Variants in RICTOR observed in about 807,000 individuals in gnomAD.
RICTOR encodes RPTOR independent companion of MTOR complex 2.
A neutral mutation model predicts 214.9 loss-of-function variants in RICTOR; 49 were observed. The ratio of observed to expected loss-of-function variants is 0.23; its 90% CI spans 0.18 to 0.29. RICTOR has a LOEUF of 0.29. Among genes scored for constraint, RICTOR ranks in the 10% least tolerant of loss-of-function variants. The pLI is 1.00. For missense variants in RICTOR, 1,625 were observed against 2,047.0 expected, an observed-to-expected ratio of 0.79 and a Z score of 3.98; for synonymous variants, 717 against 711.3, an observed-to-expected ratio of 1.01 and a Z score of -0.13.
intron 2 of RICTOR, among the ~76,000 whole-genome samples, chr5:39,055,550 ATATATTTT>A (rs1758148806): frequency 6.6e-6 from 1 of 151,868 alleles, no homozygotes; most frequent in Non-Finnish European, 1.5e-5. Flanking sequence ...TAGGGACTCA[ATATATTTT>A]TTTCACCACT....
At chr5:39,020,461 A>G (rs1015118658) in intron 3 of RICTOR, among the ~76,000 whole-genome samples, 3 of 151,706 alleles carry the variant, frequency 2.0e-5, no homozygotes, top group African/African-American at 4.8e-5. Context: ...TCCTCTACCA[A>G]CAAAAAAAAC....
At position 39,045,896 on chromosome 5, in the gene RICTOR, T is replaced by C. The variant is rs1757456752; in HGVS notation, c.98-24760A>G. ...GTATGGATTAGCAACCTGAAAAATA[T>C]GTTGTTACCGTATTATTTTCTAATC... On this transcript the variant is annotated intron_variant, in intron 2 of 37. Coordinates refer to ENST00000357387, the MANE Select transcript of RICTOR (RefSeq NM_152756.5). Among the ~76,000 whole-genome samples the C allele has an allele frequency of 3.3e-5, 5 of 152,218 alleles. No homozygotes were observed. The South Asian group carries it at 6.2e-4, about 19-fold the overall frequency.
At chr5:39,011,686 T>A (rs185174448) in intron 3 of RICTOR, among the ~76,000 whole-genome samples, 2 of 152,116 alleles carry the variant, frequency 1.3e-5, no homozygotes, top group Non-Finnish European at 2.9e-5. Context: ...TCAAGGGAGA[T>A]CATTTTGGAA....
intron 12 of RICTOR, 70 bp from the exon 13 acceptor site, chr5:38,967,497 A>G (rs1011597647): frequency 3.5e-6 from 4 of 1,141,688 alleles, no homozygotes; most frequent in Non-Finnish European, 3.9e-6. Flanking sequence ...GTATAAAACC[A>G]TCAGCTAGCC....
At position 38,949,867 on chromosome 5, in the gene RICTOR, A is replaced by C. The variant is rs1487473243; in HGVS notation, c.3981T>G (p.Ala1327=). Residue 1327 remains alanine (A), a synonymous_variant, in exon 31 of 38, where the codon GCT becomes GCG. Transcript: ENST00000357387. The part of the protein sequence containing the change: ...CNFSYTSSRD[A]FGYATLKRLQ... The stretch of plus-strand genomic sequence containing the variant: ...GTCTTTTCAGTGTAGCATAGCCAAA[A>C]GCATCTCTAGAACTTGTGTAACTAA... The C allele has an allele frequency of 1.2e-6, 2 of 1,613,510 alleles. No individual in the cohort carries two copies. Among genetic ancestry groups the C allele is most frequent in the Non-Finnish European group, 8.5e-7 (1 of 1,179,564 alleles).
In RICTOR at chr5:38,959,314, TA is replaced by T; in HGVS notation, c.2058del (p.Asn687IlefsTer5). ...TCTTGGTTTTTCAAGGAGCAAAGAT[TA>T]AGGAGACTTAAAAGAAAAAAAAAAT... ...LEKCSVFQCL[L>X]NLCSLKNQDH... On this transcript the variant is annotated frameshift_variant, in exon 22 of 38. Transcript: ENST00000357387. LOFTEE classifies it high-confidence loss of function. The T allele has an allele frequency of 6.5e-7, 1 of 1,527,590 alleles. No homozygotes were observed. Among genetic ancestry groups the T allele is most frequent in the Non-Finnish European group, 8.9e-7 (1 of 1,126,570 alleles). The allele number at this position is 1,527,590 out of a possible 1,614,324, so 94.6% of individuals were successfully genotyped here.
Position 39,074,391 on chromosome 5 carries a change from A to G in RICTOR, c.-14T>C, listed in dbSNP as rs573170523. 26 of 1,535,518 alleles carry G rather than the reference A, an allele frequency of 1.7e-5. No individual in the cohort carries two copies. Among genetic ancestry groups the G allele is most frequent in the South Asian group, 1.5e-4 (12 of 82,272 alleles). On this transcript the variant is annotated 5_prime_UTR_variant, in exon 1 of 38. Coordinates refer to ENST00000357387, the MANE Select transcript of RICTOR (RefSeq NM_152756.5). Reference sequence around the variant, plus strand: ...GATCGCCGCCATATTGACGGGTTTCAGTCACAACACCGGAAACCTCGCCCA... The same window carrying G: ...GATCGCCGCCATATTGACGGGTTTCGGTCACAACACCGGAAACCTCGCCCA...
At chr5:38,999,042 A>C (rs1753406623) in intron 5 of RICTOR, among the ~76,000 whole-genome samples, 1 of 149,074 alleles carries the variant, frequency 6.7e-6, no homozygotes, top group Non-Finnish European at 1.5e-5. Flanking sequence ...AAAAAAAAAA[A>C]AAAAAAAAAC....
intron 9 of RICTOR, 120 bp from the exon 10 acceptor site, chr5:38,975,724 T>G (rs1239014485): frequency 2.0e-6 from 1 of 509,158 alleles, no homozygotes; most frequent in Non-Finnish European, 3.2e-6. Flanking sequence ...ACACATAAAA[T>G]TAAAACAAGA....
At chr5:39,047,469 A>G (rs905687415) in intron 2 of RICTOR, among the ~76,000 whole-genome samples, 3 of 152,170 alleles carry the variant, frequency 2.0e-5, no homozygotes, top group East Asian at 1.9e-4. Flanking sequence ...CGTTCCTAAC[A>G]GGCCACGGAC....
chr5:38,965,042 T>C, intron 15 of RICTOR, 150 bp from the exon 16 acceptor site: 6 of 499,946 alleles, frequency 1.2e-5, no homozygotes, highest in Non-Finnish European at 7.1e-6. Context: ...AATACATGCT[T>C]ATTTATATTT....
At position 38,953,045 on chromosome 5, in the gene RICTOR, T is replaced by C; in HGVS notation, c.2837A>G (p.Glu946Gly). The change falls in exon 29 of 38, where the codon GAA becomes GGA. Residue 946 changes from glutamate (E) to glycine (G), a missense_variant. By Grantham distance (98) the Glu-to-Gly change is moderately conservative. This residue lies in a region of RICTOR where 1,214 missense variants were observed against 1,470.5 expected (regional missense o/e 0.83). Transcript: ENST00000357387. ...TTTTAGTATATCTGGAATCACGTTT[T>C]CTTCCTGTAGCAAATTGAGACCCCA... ...SNWGLNLLQE[E>G]NVIPDILKLA... 1 of 1,610,278 alleles carries C rather than the reference T, an allele frequency of 6.2e-7. No homozygotes were observed. Among genetic ancestry groups the C allele is most frequent in the South Asian group, 1.1e-5 (1 of 90,756 alleles).
At chr5:38,943,205 A>G (rs1561433307) in intron 36 of RICTOR, 3 of 386,406 alleles carry the variant, frequency 7.8e-6, no homozygotes, top group Non-Finnish European at 1.4e-5. Context: ...ACTTCTTGTA[A>G]AATTGAAGCA....
chr5:39,006,785 G>GAGGAGAGGAGGGGAA (rs1754105919), intron 3 of RICTOR, among the ~76,000 whole-genome samples: 1 of 132,054 alleles, frequency 7.6e-6, no homozygotes, highest in Non-Finnish European at 1.6e-5. Flanking sequence ...GAGGAGGGGA[G>GAGGAGAGGAGGGGAA]GGGAGGGGGT....
In RICTOR at chr5:38,945,506, T is replaced by C. The variant is rs749906825; in HGVS notation, c.4618A>G (p.Ile1540Val). The part of the protein sequence containing the change: ...GFQPSNQLSA[I>V]CSHSDFQDIP... ...GATCACTTACCTGAATGACTACATA[T>C]TGCACTCAGTTGGTTGCTGGGCTGG... is the stretch of plus-strand genomic sequence containing the variant. The change falls in exon 34 of 38, where the codon ATA (isoleucine) becomes GTA (valine). Residue 1540 changes from isoleucine to valine, a missense_variant. Coordinates refer to ENST00000357387, the MANE Select transcript of RICTOR (RefSeq NM_152756.5). 1.9e-6 allele frequency: 3 copies of C among 1,610,034 alleles called. No individual in the cohort carries two copies. Among genetic ancestry groups the C allele is most frequent in the Non-Finnish European group, 1.7e-6 (2 of 1,176,328 alleles).
chr5:38,991,313 T>C (rs1348227468), intron 6 of RICTOR, among the ~76,000 whole-genome samples: 1 of 151,772 alleles, frequency 6.6e-6, no homozygotes, highest in African/African-American at 2.4e-5. Flanking sequence ...GTACAGACTA[T>C]AAATTCACTG....
chr5:38,963,709 C>T (rs1749981267), intron 16 of RICTOR, among the ~76,000 whole-genome samples: 2 of 151,848 alleles, frequency 1.3e-5, no homozygotes, highest in South Asian at 4.1e-4. Context: ...TTTAAGAGGA[C>T]TATTCTTACT....
rs756240969 is a variant in RICTOR at position 38,955,626 on chromosome 5, C to T, written c.2578G>A (p.Gly860Ser). The T allele has an allele frequency of 1.9e-6, 3 of 1,608,584 alleles. No homozygotes were observed. In the South Asian group the frequency reaches 3.3e-5, roughly 18 times the overall value. ...TTACTCCGACGAACATAGTTATCAC[C>T]ATCAACAGGCTTCCGGTAAGTAGTA... is the stretch of plus-strand genomic sequence containing the variant. ...ALTTYRKPVD[G>S]DNYVRRSNQR... The change falls in exon 26 of 38, where the codon GGT (glycine) becomes AGT (serine). Residue 860 changes from glycine (G) to serine (S), a missense_variant. By Grantham distance (56) the Gly-to-Ser change is moderately conservative. This residue lies in a region of RICTOR where 1,214 missense variants were observed against 1,470.5 expected (regional missense o/e 0.83). Transcript: ENST00000357387.
intron 3 of RICTOR, among the ~76,000 whole-genome samples, chr5:39,009,488 GA>G (rs1754326280): frequency 6.6e-6 from 1 of 152,016 alleles, no homozygotes; most frequent in Non-Finnish European, 1.5e-5. Context: ...GAATCAGCTG[GA>G]AACTGGAAAA....
Sources: allele counts gnomAD v4.1 joint callset (sites outside exome capture counted in the v4.1 genomes callset), GRCh38; gene constraint gnomAD v4.1.1; regional missense constraint gnomAD v4.1.1; transcripts MANE v1.5; gene names NCBI Gene and HGNC (gene_info 2026-07-23, HGNC 2026-07-21).